Variants in CSMD1 observed in about 807,000 individuals in gnomAD.
CSMD1 encodes CUB and Sushi multiple domains 1, also known as CUB and sushi domain-containing protein 1.
In CSMD1, 213 loss-of-function variants were observed where a neutral mutation model predicts 417.5. The observed-to-expected ratio is 0.51, with a 90% CI of 0.46 to 0.57. The LOEUF (loss-of-function observed/expected upper bound fraction) is 0.57. Ranked by LOEUF, CSMD1 falls within the 20% of genes least tolerant of loss-of-function variation. The pLI, the probability that CSMD1 is intolerant of heterozygous loss-of-function variation, is 0.00. For missense variants in CSMD1, 6,923 were observed against 4,529.7 expected (o/e 1.53, Z -15.17); for synonymous variants, 2,862 against 1,736.8 (o/e 1.65, Z -16.11).
At chr8:4,534,951 C>T (rs1307277365) in intron 2 of CSMD1, among the ~76,000 whole-genome samples, 4 of 151,840 alleles carry the variant, frequency 2.6e-5, no homozygotes, top group South Asian at 2.1e-4. Context: ...TTAATAGAGA[C>T]GGGGTTTCCC....
chr8:4,727,215 A>G (rs958430623), intron 1 of CSMD1, among the ~76,000 whole-genome samples: 1 of 152,176 alleles, frequency 6.6e-6, no homozygotes, highest in South Asian at 2.1e-4. Context: ...AATGATGAAG[A>G]GTCCACTCAG....
rs571984359 is a variant in CSMD1, at chr8:4,795,252, C to CTTTTTTTT, written c.86-157702_86-157695dup. Among the ~76,000 whole-genome samples the CTTTTTTTT allele has an allele frequency of 7.6e-4, 35 of 46,254 alleles. 10 individuals carry two copies. Among genetic ancestry groups the CTTTTTTTT allele is most frequent in the Non-Finnish European group, 9.2e-4 (22 of 23,986 alleles). 30.3% of individuals were successfully genotyped at this position (46,254 alleles called of 152,430 possible). ...ATTTCTAGGTCTGCTGGTGTCATAG[C>CTTTTTTTT]TTTTTTTTTTTTTTTTTTTTTTTTT... On this transcript the variant is annotated intron_variant, in intron 1 of 69. Transcript: ENST00000635120.
At chr8:4,306,162 G>A (rs140260808) in intron 3 of CSMD1, among the ~76,000 whole-genome samples, 1 of 150,214 alleles carries the variant, frequency 6.7e-6, no homozygotes, top group African/African-American at 2.5e-5. Context: ...AAGAGTACTG[G>A]TTTAAAACAC....
At chr8:3,503,866 C>G (rs111368012) in intron 10 of CSMD1, among the ~76,000 whole-genome samples, 4 of 151,302 alleles carry the variant, frequency 2.6e-5, no homozygotes, top group African/African-American at 9.7e-5. Context: ...TTCCTAGCCC[C>G]TGGTAGCCAC....
At chr8:4,812,017 G>A (rs1260358244) in intron 1 of CSMD1, among the ~76,000 whole-genome samples, 3 of 152,144 alleles carry the variant, frequency 2.0e-5, no homozygotes, top group African/African-American at 4.8e-5. Context: ...TCCAATTACA[G>A]CAGGAGTCAA....
chr8:4,626,774 C>T lies in CSMD1; in HGVS notation c.302+10568G>A, dbSNP rs1043224098. Among the ~76,000 whole-genome samples, 3 of 152,264 alleles carry T rather than the reference C, an allele frequency of 2.0e-5. No homozygotes were observed. In the South Asian group the frequency reaches 6.2e-4, roughly 32 times the overall value. On this transcript the variant is annotated intron_variant, in intron 2 of 69. Transcript: ENST00000635120. ...ATATGAAGGCTTTATTCACTTAGAT[C>T]TGAAAACCTGAAGCCCTGTGCAGAG...
rs1442828392 is a variant in CSMD1, at chr8:3,260,788, GAATA to G, written c.4153+23352_4153+23355del. Reference sequence around the variant, plus strand: ...AAGCACAATCCATAAAAGCCAAAATGAATAAATGAGACTTCATCAAAACAGAAAA... The same window carrying G: ...AAGCACAATCCATAAAAGCCAAAATGAATGAGACTTCATCAAAACAGAAAA... On this transcript the variant is annotated intron_variant, in intron 26 of 69. Coordinates refer to ENST00000635120, the MANE Select transcript of CSMD1 (RefSeq NM_033225.6). Among the ~76,000 whole-genome samples the G allele has an allele frequency of 9.2e-5, 14 of 152,082 alleles. 1 individual carries two copies. Among genetic ancestry groups the G allele is most frequent in the African/African-American group, 3.4e-4 (14 of 41,404 alleles).
At position 3,586,892 on chromosome 8, in the gene CSMD1, G is replaced by A. The variant is rs901077135; in HGVS notation, c.1098-632C>T. On this transcript the variant is annotated intron_variant, in intron 8 of 69. Transcript: ENST00000635120. ...TTGGCTCACTGCAACCTCCGCCTCC[G>A]GGGTTCAAGCTATTCTCCTGCCTCA... is the stretch of plus-strand genomic sequence containing the variant. 4.6e-5 allele frequency among the ~76,000 whole-genome samples: 7 copies of A among 152,160 alleles called. No homozygotes were observed. In the East Asian group the frequency reaches 9.7e-4, roughly 21 times the overall value.
intron 7 of CSMD1, among the ~76,000 whole-genome samples, chr8:3,660,480 C>CTTTTTTTTTTTTTT (rs756282263): frequency 1.4e-5 from 1 of 70,446 alleles, no homozygotes; most frequent in Non-Finnish European, 2.7e-5. Context: ...GATCAAGTGG[C>CTTTTTTTTTTTTTT]TTTTTTTTTT....
In CSMD1 at chr8:2,936,923, C is replaced by T. The variant is rs1208659083; in HGVS notation, c.*1662G>A. The T allele has an allele frequency of 6.6e-6, 1 of 152,188 alleles. No individual in the cohort carries two copies. The highest frequency in any genetic ancestry group is 1.5e-5 in the Non-Finnish European group (1 of 68,022). The allele number at this position is 152,188 out of a possible 1,614,324, so 9.4% of individuals were successfully genotyped here. ...CAACGTGAAGGCCAATTTGAACATT[C>T]TGACATTTCTATTACCAACGCCAAT... On this transcript the variant is annotated 3_prime_UTR_variant, in exon 70 of 70. Coordinates refer to ENST00000635120, the MANE Select transcript of CSMD1 (RefSeq NM_033225.6).
chr8:3,662,471 G>C (rs776554201), intron 7 of CSMD1, among the ~76,000 whole-genome samples: 1 of 152,074 alleles, frequency 6.6e-6, no homozygotes, highest in Non-Finnish European at 1.5e-5. Flanking sequence ...CCAAGTCTTG[G>C]TTATTGTAAA....
chr8:4,447,278 T>C (rs1380010930), intron 2 of CSMD1, among the ~76,000 whole-genome samples: 2 of 152,102 alleles, frequency 1.3e-5, no homozygotes, highest in East Asian at 1.9e-4. Context: ...CTAAAGCAAA[T>C]CAAAGTCTGA....
intron 1 of CSMD1, among the ~76,000 whole-genome samples, chr8:4,713,477 C>T (rs575454236): frequency 1.3e-5 from 2 of 152,212 alleles, no homozygotes; most frequent in African/African-American, 4.8e-5. Flanking sequence ...TACCGGCTCA[C>T]TGCCATCTCC....
intron 10 of CSMD1, among the ~76,000 whole-genome samples, chr8:3,560,242 T>A (rs937166990): frequency 4.6e-5 from 7 of 152,112 alleles, no homozygotes; most frequent in Non-Finnish European, 7.3e-5. Flanking sequence ...AATAGAAGGA[T>A]AATATTAACA....
intron 12 of CSMD1, among the ~76,000 whole-genome samples, chr8:3,431,369 A>G (rs1323318508): frequency 6.6e-6 from 1 of 151,634 alleles, no homozygotes; most frequent in African/African-American, 2.4e-5. Context: ...TTCCCATCTC[A>G]TTTTCCCACT....
At chr8:4,643,400 C>T (rs1222580033) in intron 1 of CSMD1, among the ~76,000 whole-genome samples, 2 of 152,162 alleles carry the variant, frequency 1.3e-5, no homozygotes, top group African/African-American at 4.8e-5. Flanking sequence ...AAGCATCTTT[C>T]ATTTTTGACA....
intron 3 of CSMD1, among the ~76,000 whole-genome samples, chr8:4,083,368 A>G (rs35281197): frequency 0.1 from 15,839 of 152,192 alleles, 916 homozygotes; most frequent in Middle Eastern, 0.15. Flanking sequence ...ATGGCCAGTG[A>G]TGGTGAGCAT....
chr8:3,621,641 G>A (rs1010250072), intron 7 of CSMD1, among the ~76,000 whole-genome samples: 1 of 151,866 alleles, frequency 6.6e-6, no homozygotes, highest in Non-Finnish European at 1.5e-5. Flanking sequence ...TGCCCAGGCT[G>A]CAGTGCAGTG....
At chr8:4,153,867 T>G (rs978263869) in intron 3 of CSMD1, among the ~76,000 whole-genome samples, 1 of 152,242 alleles carries the variant, frequency 6.6e-6, no homozygotes, top group Admixed American at 6.5e-5. Context: ...GTGGCTTTCC[T>G]GACTCATGGC....
Sources: allele counts gnomAD v4.1 joint callset (sites outside exome capture counted in the v4.1 genomes callset), GRCh38; gene constraint gnomAD v4.1.1; transcripts MANE v1.5; gene names NCBI Gene and HGNC (gene_info 2026-07-23, HGNC 2026-07-21).